The following ARHGAP32 variants were observed in gnomAD, a reference collection of about 807,000 sequenced individuals.
ARHGAP32 encodes Rho GTPase activating protein 32, also known as rho GTPase-activating protein 32.
In ARHGAP32, 51 loss-of-function variants were observed where a neutral mutation model predicts 186.5. The ratio of observed to expected loss-of-function variants is 0.27; its 90% CI spans 0.22 to 0.35. The LOEUF (loss-of-function observed/expected upper bound fraction) is 0.35. Ranked by LOEUF, ARHGAP32 falls within the 10% of genes least tolerant of loss-of-function variation. The pLI is 1.00. For missense variants in ARHGAP32, 2,186 were observed against 2,623.5 expected, an observed-to-expected ratio of 0.83 and a Z score of 3.64; for synonymous variants, 950 against 964.3, an observed-to-expected ratio of 0.99 and a Z score of 0.27.
chr11:129,160,843 T>G (rs1047195070), intron 2 of ARHGAP32, among the ~76,000 whole-genome samples: 4 of 152,142 alleles, frequency 2.6e-5, no homozygotes, highest in African/African-American at 7.2e-5. Flanking sequence ...AGAGCCTGCA[T>G]AGCCAAGATA....
intron 1 of ARHGAP32, among the ~76,000 whole-genome samples, chr11:129,243,806 A>C (rs1945051513): frequency 6.6e-6 from 1 of 152,164 alleles, no homozygotes; most frequent in African/African-American, 2.4e-5. Flanking sequence ...AGCCCAGCGA[A>C]AATGTCATCT....
intron 11 of ARHGAP32, among the ~76,000 whole-genome samples, chr11:129,021,885 T>C (rs1487434448): frequency 6.6e-6 from 1 of 152,028 alleles, no homozygotes; most frequent in Admixed American, 6.6e-5. Context: ...AAGATTTGCA[T>C]TTTACCAGAA....
At chr11:129,130,548 CA>C (rs150776153) in intron 2 of ARHGAP32, among the ~76,000 whole-genome samples, 22,790 of 145,264 alleles carry the variant, frequency 0.16, 2,072 homozygotes, top group African/African-American at 0.26. Context: ...TTTAAACTTG[CA>C]AAAAAAAAAC....
chr11:129,122,985 T>C (rs761139671), intron 5 of ARHGAP32, among the ~76,000 whole-genome samples: 22 of 152,252 alleles, frequency 1.4e-4, no homozygotes, highest in African/African-American at 5.1e-4. Flanking sequence ...GAGCAAAGTA[T>C]GTAGGTTGAT....
intron 9 of ARHGAP32, among the ~76,000 whole-genome samples, 163 bp downstream of exon 9, chr11:129,063,739 T>C (rs1417176929): frequency 6.6e-6 from 1 of 151,996 alleles, no homozygotes; most frequent in African/African-American, 2.4e-5. Context: ...GTACTGTCAC[T>C]TAAACAAAAA....
chr11:129,062,259 A>G, intron 10 of ARHGAP32, 21 bp downstream of exon 10: 1 of 1,609,222 alleles, frequency 6.2e-7, no homozygotes, highest in Non-Finnish European at 8.5e-7. Context: ...ATTTTCCCAC[A>G]CCTAATTTGC....
intron 2 of ARHGAP32, among the ~76,000 whole-genome samples, chr11:129,144,589 G>A (rs548116357): frequency 6.6e-6 from 1 of 152,288 alleles, no homozygotes; most frequent in African/African-American, 2.4e-5. Flanking sequence ...CAATGTGGAA[G>A]TGCCAAAAAC....
chr11:129,018,890 T>C (rs1394781311), intron 11 of ARHGAP32, among the ~76,000 whole-genome samples: 1 of 152,190 alleles, frequency 6.6e-6, no homozygotes, highest in Non-Finnish European at 1.5e-5. Flanking sequence ...TTGAAACTTT[T>C]CCTTTTTATA....
intron 1 of ARHGAP32, among the ~76,000 whole-genome samples, chr11:129,198,965 A>C (rs1944426528): frequency 6.6e-6 from 1 of 152,222 alleles, no homozygotes; most frequent in Non-Finnish European, 1.5e-5. Flanking sequence ...GATGGAGATG[A>C]GGAACTTGTT....
At chr11:129,129,478 G>A (rs895957292) in intron 2 of ARHGAP32, among the ~76,000 whole-genome samples, 11 of 151,342 alleles carry the variant, frequency 7.3e-5, no homozygotes, top group South Asian at 2.1e-4. Context: ...CTGCCCGGCC[G>A]CCCCGTCTGG....
rs2136074495 is a variant in ARHGAP32, at chr11:128,972,945, T to C, written c.3561A>G (p.Ser1187=). Residue 1187 remains serine (S), a synonymous_variant, in exon 22 of 23, where the codon TCA becomes TCG. Coordinates refer to ENST00000682385, the MANE Select transcript of ARHGAP32 (RefSeq NM_001378024.1). ...AACTTACATGATCATCAGACTTCTC[T>C]GAGTCTAAGGGAACTGAAGTAATTC... ...KARITSVPLD[S]EKSDDHVSFP... 1 of 1,614,066 alleles carries C rather than the reference T, an allele frequency of 6.2e-7. No individual in the cohort carries two copies. The highest frequency in any genetic ancestry group is 8.5e-7 in the Non-Finnish European group (1 of 1,180,030).
intron 1 of ARHGAP32, among the ~76,000 whole-genome samples, chr11:129,178,372 G>A (rs1943967970): frequency 6.6e-6 from 1 of 151,062 alleles, no homozygotes; most frequent in African/African-American, 2.4e-5. Context: ...ACTGCCCAAG[G>A]TAATTTATAG....
chr11:129,003,417 C>A lies in ARHGAP32; in HGVS notation c.1046-4949G>T, dbSNP rs961970621. On this transcript the variant is annotated intron_variant, in intron 11 of 22. Coordinates refer to ENST00000682385, the MANE Select transcript of ARHGAP32 (RefSeq NM_001378024.1). ...TTTGTAGAATTCGTTTGGAAGTACTCTCTCCTCTATTTTCTGAATAGTTAG... is the reference window on the plus strand; with the variant it reads ...TTTGTAGAATTCGTTTGGAAGTACTATCTCCTCTATTTTCTGAATAGTTAG... Among the ~76,000 whole-genome samples the A allele has an allele frequency of 2.0e-5, 3 of 152,282 alleles. No individual in the cohort carries two copies. The South Asian group carries it at 6.2e-4, about 32-fold the overall frequency.
chr11:129,078,608 T>G (rs112747043), intron 6 of ARHGAP32, among the ~76,000 whole-genome samples: 1,814 of 152,252 alleles, frequency 0.012, 41 homozygotes, highest in African/African-American at 0.041. Context: ...TTCTCTCACC[T>G]CAGCCTCCCG....
At chr11:129,124,712 T>C (rs994567015) in intron 3 of ARHGAP32, 91 bp downstream of exon 3, 47 of 994,146 alleles carry the variant, frequency 4.7e-5, no homozygotes, top group Non-Finnish European at 6.3e-5. Context: ...CATATTTTTG[T>C]AAAAAGTCTA....
chr11:129,146,994 T>C (rs1943180188), intron 2 of ARHGAP32, among the ~76,000 whole-genome samples: 1 of 152,086 alleles, frequency 6.6e-6, no homozygotes, highest in Non-Finnish European at 1.5e-5. Context: ...AACTTACTTA[T>C]TGCTTAAAAT....
chr11:129,266,801 G>C (rs191356631), intron 1 of ARHGAP32, among the ~76,000 whole-genome samples: 1 of 152,250 alleles, frequency 6.6e-6, no homozygotes, highest in East Asian at 1.9e-4. Context: ...AGGGCCTAAA[G>C]GATGTGCCCA....
At chr11:129,097,181 A>C (rs938682148) in intron 5 of ARHGAP32, among the ~76,000 whole-genome samples, 2 of 152,164 alleles carry the variant, frequency 1.3e-5, no homozygotes, top group African/African-American at 4.8e-5. Context: ...AAAATGAATC[A>C]AAATGAATCA....
At chr11:129,214,308 A>C (rs1352611833) in intron 1 of ARHGAP32, among the ~76,000 whole-genome samples, 2 of 152,344 alleles carry the variant, frequency 1.3e-5, no homozygotes, top group Middle Eastern at 3.4e-3. Flanking sequence ...TGAACGTACC[A>C]CACTAATGTA....
Sources: gnomAD v4.1 joint callset for allele counts (sites outside exome capture counted in the v4.1 genomes callset) on GRCh38, gnomAD v4.1.1 for gene constraint, MANE v1.5 for transcripts, NCBI Gene and HGNC (gene_info 2026-07-23, HGNC 2026-07-21) for gene names.